The following DOCK2 variants were observed in gnomAD, a reference collection of about 807,000 sequenced individuals.
The protein encoded by DOCK2 is dedicator of cytokinesis protein 2.
DOCK2 carries 87 observed loss-of-function variants against 248.9 expected under a neutral mutation model. The ratio of observed to expected loss-of-function variants is 0.35; its 90% CI spans 0.29 to 0.42. The LOEUF (loss-of-function observed/expected upper bound fraction) is 0.42. Among genes scored for constraint, DOCK2 ranks in the 10% least tolerant of loss-of-function variants. The probability of loss-of-function intolerance (pLI) is 1.00; values close to 1 mark genes in which losing one functional copy is unlikely to be tolerated. For synonymous variants in DOCK2, 805 were observed against 821.6 expected (o/e 0.98, Z 0.35); for missense variants, 1,747 against 2,300.2 (o/e 0.76, Z 4.92).
At chr5:169,645,606 A>T (rs1237184133) in intron 1 of DOCK2, among the ~76,000 whole-genome samples, 1 of 152,180 alleles carries the variant, frequency 6.6e-6, no homozygotes, top group Non-Finnish European at 1.5e-5. Flanking sequence ...TTTGCTGTGC[A>T]GAAACTCTTC....
At chr5:169,726,528 A>C (rs967318373) in intron 22 of DOCK2, among the ~76,000 whole-genome samples, 4 of 152,098 alleles carry the variant, frequency 2.6e-5, no homozygotes, top group Non-Finnish European at 5.9e-5. Flanking sequence ...CCATTTGTCT[A>C]TTTTGGCTTT....
rs573990679 is a variant in DOCK2, at chr5:169,701,357, G to A, written c.1259-946G>A. Among the ~76,000 whole-genome samples, 134 of 152,258 alleles carry A rather than the reference G, an allele frequency of 8.8e-4. 1 individual carries two copies. The highest frequency in any genetic ancestry group is 2.9e-3 in the African/African-American group (121 of 41,552). ...TCTTAAACCTGTGTCTTGGACTTCC[G>A]TTCACGATGGCTCTCACTGACTGGC... On this transcript the variant is annotated intron_variant, in intron 13 of 51. Coordinates refer to ENST00000520908, the MANE Select transcript of DOCK2 (RefSeq NM_004946.3).
At chr5:169,941,459 G>A (rs1176052246) in intron 27 of DOCK2, among the ~76,000 whole-genome samples, 1 of 152,110 alleles carries the variant, frequency 6.6e-6, no homozygotes, top group Non-Finnish European at 1.5e-5. Context: ...GAGTGGGAGT[G>A]GTGTAGGCAC....
In DOCK2 at chr5:170,079,852, C is replaced by T. The variant is rs1373150869; in HGVS notation, c.5167-311C>T. On this transcript the variant is annotated intron_variant, in intron 49 of 51. Coordinates refer to ENST00000520908, the MANE Select transcript of DOCK2 (RefSeq NM_004946.3). ...CCTCCAGAAACTTCCCAGTGGGCCTCGCAGGCTACTCTTGCGTGGATGGAT... is the reference window on the plus strand; with the variant it reads ...CCTCCAGAAACTTCCCAGTGGGCCTTGCAGGCTACTCTTGCGTGGATGGAT... The T allele has an allele frequency of 3.0e-5, 7 of 235,590 alleles. No individual in the cohort carries two copies. The South Asian group carries it at 6.2e-4, about 21-fold the overall frequency. 14.6% of individuals were successfully genotyped at this position (235,590 alleles called of 1,614,324 possible).
At chr5:169,949,284 A>G (rs1440641862) in intron 27 of DOCK2, among the ~76,000 whole-genome samples, 1 of 152,094 alleles carries the variant, frequency 6.6e-6, no homozygotes, top group Admixed American at 6.5e-5. Flanking sequence ...CCTGTTCTTT[A>G]CTTCCCAGGA....
intron 27 of DOCK2, among the ~76,000 whole-genome samples, chr5:169,948,166 A>G (rs1776519941): frequency 6.6e-6 from 1 of 151,950 alleles, no homozygotes; most frequent in Admixed American, 6.5e-5. Flanking sequence ...TCTTCTCTTC[A>G]TTCATTCACT....
At chr5:170,008,868 G>C (rs1306904515) in intron 32 of DOCK2, 122 bp downstream of exon 32, 1 of 1,207,508 alleles carries the variant, frequency 8.3e-7, no homozygotes, top group Non-Finnish European at 1.2e-6. Context: ...GTTCATTACT[G>C]TGTGTACCCC....
At chr5:169,734,813 C>T (rs1315878476) in intron 22 of DOCK2, among the ~76,000 whole-genome samples, 2 of 152,326 alleles carry the variant, frequency 1.3e-5, no homozygotes, top group Admixed American at 6.5e-5. Flanking sequence ...ATGAGGGTCT[C>T]CAATATGCAG....
At chr5:169,985,646 A>T (rs1448385094) in intron 28 of DOCK2, among the ~76,000 whole-genome samples, 182 bp from the exon 29 acceptor site, 1 of 152,294 alleles carries the variant, frequency 6.6e-6, no homozygotes, top group African/African-American at 2.4e-5. Flanking sequence ...TGTTCCACTG[A>T]CATTTGGGAA....
intron 26 of DOCK2, among the ~76,000 whole-genome samples, chr5:169,826,637 G>C (rs1284488429): frequency 6.6e-6 from 1 of 152,132 alleles, no homozygotes; most frequent in Admixed American, 6.5e-5. Flanking sequence ...CTGCGAGTGA[G>C]ACTTGATACA....
chr5:169,957,568 T>G (rs1776920475), intron 27 of DOCK2, among the ~76,000 whole-genome samples: 1 of 152,194 alleles, frequency 6.6e-6, no homozygotes, highest in Admixed American at 6.5e-5. Flanking sequence ...TGGGACTCCT[T>G]GGTCTGCCTC....
intron 23 of DOCK2, among the ~76,000 whole-genome samples, chr5:169,748,452 G>GA (rs1205820279): frequency 6.6e-6 from 1 of 152,150 alleles, no homozygotes; most frequent in South Asian, 2.1e-4. Flanking sequence ...CAGGCCAGGG[G>GA]ATTTAAAAAA....
At chr5:169,810,272 C>T (rs1274283744) in intron 26 of DOCK2, among the ~76,000 whole-genome samples, 1 of 151,952 alleles carries the variant, frequency 6.6e-6, no homozygotes, top group African/African-American at 2.4e-5. Flanking sequence ...CTTTAGATGT[C>T]AGGTGCAGAG....
intron 2 of DOCK2, among the ~76,000 whole-genome samples, chr5:169,668,861 C>T (rs1005279945): frequency 1.2e-4 from 18 of 152,274 alleles, no homozygotes; most frequent in African/African-American, 3.9e-4. Context: ...AAATCAGGAG[C>T]ATTTCTTTGT....
chr5:169,742,712 T>TGTAC (rs1217895839), intron 22 of DOCK2, among the ~76,000 whole-genome samples: 1 of 152,236 alleles, frequency 6.6e-6, no homozygotes, highest in Admixed American at 6.5e-5. Context: ...TGAGGCTTTA[T>TGTAC]GTACCTGCGT....
intron 27 of DOCK2, among the ~76,000 whole-genome samples, chr5:169,924,650 C>G (rs765029858): frequency 6.6e-5 from 10 of 152,196 alleles, no homozygotes; most frequent in Non-Finnish European, 1.2e-4. Flanking sequence ...GCAACCCCAT[C>G]CTGCTTAAAA....
At chr5:169,838,964 T>C (rs1769772748) in intron 26 of DOCK2, among the ~76,000 whole-genome samples, 1 of 152,164 alleles carries the variant, frequency 6.6e-6, no homozygotes, top group Non-Finnish European at 1.5e-5. Context: ...CAACTGCAAA[T>C]CTACTTCTCT....
chr5:169,894,385 A>G (rs1773471215), intron 27 of DOCK2, among the ~76,000 whole-genome samples: 1 of 151,952 alleles, frequency 6.6e-6, no homozygotes, highest in African/African-American at 2.4e-5. Context: ...ACTTGGAAGT[A>G]CCCCCTTCTC....
At chr5:169,830,237 G>A (rs774143214) in intron 26 of DOCK2, among the ~76,000 whole-genome samples, 3 of 152,178 alleles carry the variant, frequency 2.0e-5, no homozygotes, top group Non-Finnish European at 4.4e-5. Flanking sequence ...GATCTATAAG[G>A]TTATTCTGTG....
Sources: allele counts gnomAD v4.1 joint callset (sites outside exome capture counted in the v4.1 genomes callset), GRCh38; gene constraint gnomAD v4.1.1; transcripts MANE v1.5; gene names NCBI Gene and HGNC (gene_info 2026-07-23, HGNC 2026-07-21).